Variants in G2E3 observed in about 807,000 individuals in gnomAD.
The protein encoded by G2E3 is G2/M phase-specific E3 ubiquitin-protein ligase.
A neutral mutation model predicts 92.8 loss-of-function variants in G2E3; 35 were observed. The ratio of observed to expected loss-of-function variants is 0.38; its 90% CI spans 0.29 to 0.50. The LOEUF is 0.50. Ranked by LOEUF, G2E3 falls within the 20% of genes least tolerant of loss-of-function variation. G2E3 has a pLI of 0.94. For synonymous variants in G2E3, 242 were observed against 272.4 expected (o/e 0.89, Z 1.10); for missense variants, 554 against 823.8 (o/e 0.67, Z 4.01).
chr14:30,593,004 TC>T (rs1490137747), intron 5 of G2E3, among the ~76,000 whole-genome samples: 1 of 152,160 alleles, frequency 6.6e-6, no homozygotes, highest in African/African-American at 2.4e-5. Flanking sequence ...TGGATTGTTA[TC>T]ATGTAAGAAA....
chr14:30,571,255 T>C (rs1403177535), intron 1 of G2E3, among the ~76,000 whole-genome samples: 1 of 151,832 alleles, frequency 6.6e-6, no homozygotes, highest in Non-Finnish European at 1.5e-5. Flanking sequence ...GTTGGCTATG[T>C]TGTGTTTTTT....
intron 6 of G2E3, among the ~76,000 whole-genome samples, chr14:30,595,983 T>C (rs992942845): frequency 3.3e-5 from 5 of 152,140 alleles, no homozygotes; most frequent in Non-Finnish European, 5.9e-5. Context: ...CTGTTTTTTC[T>C]CCTCTATACC....
At chr14:30,612,180 G>GTGGCTGTA in intron 12 of G2E3, 27 bp from the exon 13 acceptor site, 1 of 1,547,942 alleles carries the variant, frequency 6.5e-7, no homozygotes, top group Non-Finnish European at 8.9e-7. Context: ...AATGAGTAAA[G>GTGGCTGTA]TGGCTGTATT....
chr14:30,562,693 G>A (rs1879181103), intron 1 of G2E3, among the ~76,000 whole-genome samples: 1 of 152,154 alleles, frequency 6.6e-6, no homozygotes, highest in South Asian at 2.1e-4. Context: ...GTTACCTGGA[G>A]GCCTAACCGT....
chr14:30,596,923 C>T (rs751775037), intron 6 of G2E3, among the ~76,000 whole-genome samples: 3 of 152,146 alleles, frequency 2.0e-5, no homozygotes, highest in Non-Finnish European at 4.4e-5. Flanking sequence ...CTTCTGAGTA[C>T]CCTCTGTCTG....
Position 30,615,370 on chromosome 14 carries a change from C to T in G2E3, c.1695C>T (p.Thr565=). 4 of 1,594,682 alleles carry T rather than the reference C, an allele frequency of 2.5e-6. No homozygotes were observed. Among genetic ancestry groups the T allele is most frequent in the East Asian group, 2.2e-5 (1 of 44,554 alleles). The change falls in exon 14 of 15, where the codon ACC becomes ACT. Residue 565 remains threonine (T), a synonymous_variant. Transcript: ENST00000206595. ...PFESFKQGLK[T]LGVLEKIQAY... ...TAAGTTTTAAGCAGGGTCTGAAAAC[C>T]CTTGGTGTTTTGGAGAAAATTCAGG... is the stretch of plus-strand genomic sequence containing the variant.
At chr14:30,598,098 A>C (rs1265697310) in intron 7 of G2E3, 1 of 173,036 alleles carries the variant, frequency 5.8e-6, no homozygotes, top group East Asian at 1.5e-4. Context: ...TTTTTATTTT[A>C]GGCCAGGCAT....
At chr14:30,593,929 AACTAGATTTTAATTCCTAAGT>A in intron 6 of G2E3, among the ~76,000 whole-genome samples, 1 of 152,296 alleles carries the variant, frequency 6.6e-6, no homozygotes, top group South Asian at 2.1e-4. Flanking sequence ...ACAATGAATA[AACTAGATTTTAATTCCTAAGT>A]TTCATTTACA....
At chr14:30,560,487 G>C (rs1228756525) in intron 1 of G2E3, 1 of 319,290 alleles carries the variant, frequency 3.1e-6, no homozygotes, top group East Asian at 5.3e-5. Context: ...AGGAAGAATA[G>C]ACTTAAATAC....
intron 13 of G2E3, among the ~76,000 whole-genome samples, chr14:30,612,762 CAGG>C (rs2138916305): frequency 6.6e-6 from 1 of 152,186 alleles, no homozygotes; most frequent in South Asian, 2.1e-4. Flanking sequence ...GAGGCTGAGG[CAGG>C]AGAATTGCTT....
chr14:30,613,506 G>A (rs890207448), intron 13 of G2E3, among the ~76,000 whole-genome samples: 1 of 151,968 alleles, frequency 6.6e-6, no homozygotes, highest in African/African-American at 2.4e-5. Context: ...GGTATCACAA[G>A]GTGTTTCAGA....
chr14:30,567,719 A>G (rs1275668853), intron 1 of G2E3, among the ~76,000 whole-genome samples: 1 of 151,638 alleles, frequency 6.6e-6, no homozygotes, highest in East Asian at 1.9e-4. Flanking sequence ...CTTTGGGCAT[A>G]TAGTTGGGTC....
chr14:30,598,214 GTC>G (rs1881385253), intron 7 of G2E3: 1 of 309,886 alleles, frequency 3.2e-6, no homozygotes, highest in Non-Finnish European at 6.3e-6. Flanking sequence ...GCGAAACCCT[GTC>G]TCTACTAAAA....
intron 4 of G2E3, among the ~76,000 whole-genome samples, chr14:30,591,551 G>C (rs901768100): frequency 1.3e-5 from 2 of 152,116 alleles, no homozygotes; most frequent in African/African-American, 2.4e-5. Flanking sequence ...TTGATTCCAT[G>C]CTTCTCCCCT....
chr14:30,612,060 T>G (rs1181127401), intron 12 of G2E3, 147 bp from the exon 13 acceptor site: 1 of 595,874 alleles, frequency 1.7e-6, no homozygotes, highest in Non-Finnish European at 3.0e-6. Flanking sequence ...GATCAGACAT[T>G]TATTCTAGAA....
At chr14:30,570,611 G>C (rs1382084073) in intron 1 of G2E3, among the ~76,000 whole-genome samples, 1 of 151,946 alleles carries the variant, frequency 6.6e-6, no homozygotes, top group Non-Finnish European at 1.5e-5. Context: ...CTGCTCAAAC[G>C]TGCTGTTAAA....
chr14:30,584,629 T>A (rs1333754229), intron 2 of G2E3, among the ~76,000 whole-genome samples: 1 of 152,226 alleles, frequency 6.6e-6, no homozygotes. Flanking sequence ...TGTTGACTGC[T>A]GACCAGTGAT....
chr14:30,592,513 A>G (rs1366124259), intron 5 of G2E3, 66 bp downstream of exon 5: 3 of 1,177,106 alleles, frequency 2.5e-6, no homozygotes, highest in East Asian at 2.4e-5. Context: ...ACATATCCCA[A>G]TGATATAATA....
At chr14:30,605,341 T>A (rs543294612) in intron 10 of G2E3, among the ~76,000 whole-genome samples, 164 bp from the exon 11 acceptor site, 1 of 152,340 alleles carries the variant, frequency 6.6e-6, no homozygotes, top group Non-Finnish European at 1.5e-5. Flanking sequence ...AATAACTGTT[T>A]TTGGTTCTAG....
Sources: gnomAD v4.1 joint callset for allele counts (sites outside exome capture counted in the v4.1 genomes callset) on GRCh38, gnomAD v4.1.1 for gene constraint, MANE v1.5 for transcripts, NCBI Gene and HGNC (gene_info 2026-07-23, HGNC 2026-07-21) for gene names.